QTGAL: variants seen among roughly 807,000 people sequenced by gnomAD.
QTGAL encodes the protein queuosine-tRNA galactosyltransferase, also known as BGnT-like protein 1.
the QTGAL span, among the ~76,000 whole-genome samples, chr17:83,028,694 C>G: frequency 2.6e-5 from 4 of 152,160 alleles, no homozygotes; most frequent in Non-Finnish European, 5.9e-5. Flanking sequence ...CAGAACAGTA[C>G]GAACGCCGGA....
At chr17:82,985,531 T>C in the QTGAL span, among the ~76,000 whole-genome samples, 1 of 152,214 alleles carries the variant, frequency 6.6e-6, no homozygotes, top group Non-Finnish European at 1.5e-5. Context: ...CATGAATTTC[T>C]GGTTCAAACT....
chr17:82,986,473 G>C, the QTGAL span, among the ~76,000 whole-genome samples: 158 of 152,306 alleles, frequency 1.0e-3, 1 homozygote, highest in African/African-American at 3.6e-3. Flanking sequence ...TTTAACCACT[G>C]GTACCTGTAA....
the QTGAL span, chr17:82,949,475 C>G: frequency 1.3e-5 from 2 of 152,204 alleles, no homozygotes; most frequent in Non-Finnish European, 2.9e-5. Flanking sequence ...AACAGTGCCA[C>G]CGAGGTGCCC....
At chr17:82,964,034 G>GGGC in the QTGAL span, among the ~76,000 whole-genome samples, 9 of 139,468 alleles carry the variant, frequency 6.5e-5, no homozygotes, top group Admixed American at 1.5e-4. Flanking sequence ...AGGTCGGGGG[G>GGGC]GTGGATTGCT....
chr17:83,050,718 G>A, the QTGAL span, among the ~76,000 whole-genome samples: 2 of 152,220 alleles, frequency 1.3e-5, no homozygotes, highest in African/African-American at 2.4e-5. Context: ...GCCGGAGCAC[G>A]GGGAAGGTGT....
the QTGAL span, among the ~76,000 whole-genome samples, chr17:82,952,817 C>A: frequency 6.6e-6 from 1 of 152,198 alleles, no homozygotes; most frequent in Non-Finnish European, 1.5e-5. Flanking sequence ...CACTCCTCAG[C>A]AAATGCAAAA....
At chr17:82,999,933 G>C in the QTGAL span, among the ~76,000 whole-genome samples, 1 of 152,158 alleles carries the variant, frequency 6.6e-6, no homozygotes, top group Middle Eastern at 3.4e-3. Context: ...AACTGTGAGA[G>C]GTCACTGGTT....
At chr17:83,014,543 G>A in the QTGAL span, 164 of 1,612,746 alleles carry the variant, frequency 1.0e-4, 2 homozygotes, top group Admixed American at 8.0e-4. Flanking sequence ...CACACTTTCC[G>A]TTTGTTTGTT....
At chr17:82,946,567 CAA>C in the QTGAL span, among the ~76,000 whole-genome samples, 3 of 45,894 alleles carry the variant, frequency 6.5e-5, no homozygotes, top group East Asian at 7.6e-4. Context: ...TTACAGAACC[CAA>C]GTGTGTGTGT....
chr17:82,986,804 C>A, the QTGAL span, among the ~76,000 whole-genome samples: 1 of 152,198 alleles, frequency 6.6e-6, no homozygotes, highest in Non-Finnish European at 1.5e-5. Flanking sequence ...TTACATGGTG[C>A]GATCACAAGA....
chr17:83,044,291 A>G, the QTGAL span, among the ~76,000 whole-genome samples: 3 of 152,242 alleles, frequency 2.0e-5, no homozygotes, highest in African/African-American at 7.2e-5. Flanking sequence ...TTACACCAGG[A>G]ACAAGTGGGA....
chr17:83,005,622 G>C, the QTGAL span: 12 of 702,696 alleles, frequency 1.7e-5, no homozygotes, highest in Non-Finnish European at 3.1e-5. This position sits in a 1 kb window ranked among gnomAD's most constrained non-coding sequence, Gnocchi z 5.6. Context: ...CTGCCTGTCC[G>C]CAGGCCGCCC....
the QTGAL span, among the ~76,000 whole-genome samples, chr17:82,951,422 AAG>A: frequency 6.6e-6 from 1 of 152,200 alleles, no homozygotes; most frequent in Non-Finnish European, 1.5e-5. Flanking sequence ...CACAGAATTG[AAG>A]AGAGTTGGGA....
chr17:82,978,958 C>T, the QTGAL span: 2 of 152,160 alleles, frequency 1.3e-5, no homozygotes, highest in Non-Finnish European at 2.9e-5. The surrounding 1 kb of genome is among the most constrained non-coding windows in gnomAD (Gnocchi z 4.8). Context: ...CATTGAAAAC[C>T]TGTACAATGC....
chr17:83,008,123 G>A, the QTGAL span, among the ~76,000 whole-genome samples: 4 of 152,212 alleles, frequency 2.6e-5, no homozygotes, highest in African/African-American at 9.6e-5. Flanking sequence ...ATCCTGCACC[G>A]AGACGTCAGA....
the QTGAL span, among the ~76,000 whole-genome samples, chr17:83,018,398 AT>A: frequency 6.6e-6 from 1 of 152,268 alleles, no homozygotes; most frequent in African/African-American, 2.4e-5. Context: ...TCAAAAATAT[AT>A]TTGTAAAACA....
chr17:83,051,651 C>T, the QTGAL span: 872 of 1,284,980 alleles, frequency 6.8e-4, 9 homozygotes, highest in African/African-American at 0.012. Context: ...GCTGCGAACC[C>T]CGGAGCGAGA....
the QTGAL span, among the ~76,000 whole-genome samples, chr17:83,023,510 C>T: frequency 0.32 from 48,439 of 150,944 alleles, 8,226 homozygotes; most frequent in East Asian, 0.46. Context: ...TCAGGTGGCA[C>T]GTGATAAAGA....
At chr17:83,048,264 A>G in the QTGAL span, among the ~76,000 whole-genome samples, 116,109 of 152,068 alleles carry the variant, frequency 0.76, 44,470 homozygotes, top group East Asian at 0.96. Flanking sequence ...TTGACCTCAA[A>G]GGATCCGCCT....
Sources: allele counts gnomAD v4.1 joint callset (sites outside exome capture counted in the v4.1 genomes callset), GRCh38; gene constraint gnomAD v4.1.1; non-coding constraint Gnocchi (gnomAD v3.1); transcripts MANE v1.5; gene names NCBI Gene and HGNC (gene_info 2026-07-23, HGNC 2026-07-21).